The following CHST12 variants were observed in gnomAD, a reference collection of about 807,000 sequenced individuals.
CHST12 encodes carbohydrate (chondroitin 4) sulfotransferase 12.
In CHST12, 23 loss-of-function variants were observed where a neutral mutation model predicts 27.9. The ratio of observed to expected loss-of-function variants is 0.82; its 90% CI spans 0.59 to 1.17. The LOEUF (loss-of-function observed/expected upper bound fraction) is 1.17. Among genes scored for constraint, CHST12 ranks in the 50% most tolerant of loss-of-function variants. The probability of loss-of-function intolerance (pLI) is 0.00; values close to 1 mark genes in which losing one functional copy is unlikely to be tolerated. For missense variants in CHST12, 682 were observed against 603.0 expected (o/e 1.13, Z -1.37); for synonymous variants, 322 against 273.0 (o/e 1.18, Z -1.77).
At chr7:2,408,923 AGAT>A (rs1325313015) in intron 1 of CHST12, among the ~76,000 whole-genome samples, 1 of 152,218 alleles carries the variant, frequency 6.6e-6, no homozygotes, top group African/African-American at 2.4e-5. Flanking sequence ...CTTTGGGAGA[AGAT>A]GAAATTAGCA....
chr7:2,430,164 T>C (rs1419728741), intron 1 of CHST12, among the ~76,000 whole-genome samples: 1 of 152,204 alleles, frequency 6.6e-6, no homozygotes, highest in Non-Finnish European at 1.5e-5. Context: ...CTGTGTACTT[T>C]AACTTTTTCC....
intron 1 of CHST12, among the ~76,000 whole-genome samples, chr7:2,410,564 C>G (rs1012312210): frequency 6.6e-6 from 1 of 151,982 alleles, no homozygotes; most frequent in Non-Finnish European, 1.5e-5. Context: ...ATGAAGAAAA[C>G]CAGGGTATGG....
chr7:2,404,708 G>A (rs897071650), intron 1 of CHST12, among the ~76,000 whole-genome samples: 1 of 152,254 alleles, frequency 6.6e-6, no homozygotes, highest in Non-Finnish European at 1.5e-5. Flanking sequence ...GCTACACGAA[G>A]GTGCAACGCT....
At position 2,433,095 on chromosome 7, in the gene CHST12, G is replaced by T; in HGVS notation, c.456G>T (p.Ser152=). The T allele has an allele frequency of 6.2e-7, 1 of 1,612,496 alleles. No homozygotes were observed. The highest frequency in any genetic ancestry group is 8.5e-7 in the Non-Finnish European group (1 of 1,179,614). ...KERAFDDIPN[S]ELSHLIVDDR... is the part of the protein sequence containing the mutation. ...GCGCATTCGACGACATCCCCAACTCGGAGCTGAGCCACCTGATCGTGGACG... is the reference window on the plus strand; with the variant it reads ...GCGCATTCGACGACATCCCCAACTCTGAGCTGAGCCACCTGATCGTGGACG... Residue 152 remains serine (S), a synonymous_variant, in exon 2 of 2, where the codon TCG becomes TCT. Coordinates refer to ENST00000618655, the MANE Select transcript of CHST12 (RefSeq NM_018641.5). The surrounding 1 kb of genome is among the most constrained non-coding windows in gnomAD (Gnocchi z 6.1).
At chr7:2,405,345 T>G (rs1781495093) in intron 1 of CHST12, among the ~76,000 whole-genome samples, 1 of 152,006 alleles carries the variant, frequency 6.6e-6, no homozygotes, top group Non-Finnish European at 1.5e-5. Flanking sequence ...CTTAGGAGGA[T>G]GAGTCAAGAG....
intron 1 of CHST12, among the ~76,000 whole-genome samples, chr7:2,420,891 G>T (rs1313637780): frequency 6.6e-6 from 1 of 152,304 alleles, no homozygotes; most frequent in East Asian, 1.9e-4. Flanking sequence ...TTAAGACGGA[G>T]TCTCACTGTG....
chr7:2,421,438 C>CTTTT (rs566799688), intron 1 of CHST12, among the ~76,000 whole-genome samples: 1 of 127,210 alleles, frequency 7.9e-6, no homozygotes, highest in African/African-American at 2.9e-5. Flanking sequence ...TTTTTTTTTA[C>CTTTT]TTTTTTTTTT....
At chr7:2,420,998 G>A (rs1781958486) in intron 1 of CHST12, among the ~76,000 whole-genome samples, 1 of 151,978 alleles carries the variant, frequency 6.6e-6, no homozygotes, top group African/African-American at 2.4e-5. Context: ...GAGTAGCTGG[G>A]ATTACAGGCG....
chr7:2,423,488 G>A (rs902372515), intron 1 of CHST12, among the ~76,000 whole-genome samples: 2 of 152,100 alleles, frequency 1.3e-5, no homozygotes, highest in African/African-American at 4.8e-5. Context: ...TCACGTTTTC[G>A]TGATTTCTGT....
At position 2,440,841 on chromosome 7, in the gene CHST12, T is replaced by G. The variant is rs919013840; in HGVS notation, c.*6957T>G. The G allele has an allele frequency of 6.6e-6, 1 of 152,234 alleles. No homozygotes were observed. The highest frequency in any genetic ancestry group is 2.4e-5 in the African/African-American group (1 of 41,456). 9.4% of individuals were successfully genotyped at this position (152,234 alleles called of 1,614,324 possible). ...TGGGGTCGGGAGTCAACGATACTTC[T>G]TGTGCTGTCGTTTCTCCGGCCGTGT... On this transcript the variant is annotated 3_prime_UTR_variant, in exon 2 of 2. Transcript: ENST00000618655.
At chr7:2,410,934 G>A (rs1343575226) in intron 1 of CHST12, among the ~76,000 whole-genome samples, 1 of 152,140 alleles carries the variant, frequency 6.6e-6, no homozygotes, top group African/African-American at 2.4e-5. Context: ...GAGAGCAGAA[G>A]CAGGGAGACT....
At position 2,433,561 on chromosome 7, in the gene CHST12, C is replaced by T. The variant is rs1191530897; in HGVS notation, c.922C>T (p.Leu308=). The T allele has an allele frequency of 1.2e-6, 2 of 1,613,482 alleles. No individual in the cohort carries two copies. The highest frequency in any genetic ancestry group is 2.2e-5 in the South Asian group (2 of 91,084). Residue 308 remains leucine (L), a synonymous_variant, in exon 2 of 2, where the codon CTG becomes TTG. Coordinates refer to ENST00000618655, the MANE Select transcript of CHST12 (RefSeq NM_018641.5). The surrounding 1 kb of genome is among the most constrained non-coding windows in gnomAD (Gnocchi z 6.1). Reference sequence around the variant, plus strand: ...CTTCGCCAACTTCATCCAGTACCTGCTGGACCCGCACACGGAGAAGCTGGC... The same window carrying T: ...CTTCGCCAACTTCATCCAGTACCTGTTGGACCCGCACACGGAGAAGCTGGC... ...VSFANFIQYL[L]DPHTEKLAPF...
chr7:2,444,146 T>C lies in CHST12; in HGVS notation c.*10262T>C, dbSNP rs1782687473. ...AAAAATACAAAAAATTAGCCGGGCG[T>C]AGTGGCGGGCGCCTGTAGTCCCAGC... On this transcript the variant is annotated 3_prime_UTR_variant, in exon 2 of 2. Coordinates refer to ENST00000618655, the MANE Select transcript of CHST12 (RefSeq NM_018641.5). 6.7e-6 allele frequency: 1 copy of C among 149,250 alleles called. No individual in the cohort carries two copies. The highest frequency in any genetic ancestry group is 6.7e-5 in the Admixed American group (1 of 15,036). 9.2% of individuals were successfully genotyped at this position (149,250 alleles called of 1,614,324 possible). A position where few individuals can be genotyped will look rare whatever the true frequency, so the allele number is the denominator to read the frequency against.
At position 2,433,952 on chromosome 7, in the gene CHST12, C is replaced by A. The variant is rs1782392372; in HGVS notation, c.*68C>A. On this transcript the variant is annotated 3_prime_UTR_variant, in exon 2 of 2. Coordinates refer to ENST00000618655, the MANE Select transcript of CHST12 (RefSeq NM_018641.5). The surrounding 1 kb of genome is among the most constrained non-coding windows in gnomAD (Gnocchi z 6.1). ...CACGCGCACTCCAGTTTTTTTATGA[C>A]CTACGATTTTGCAATCTGGGCTTCT... is the stretch of plus-strand genomic sequence containing the variant. The A allele has an allele frequency of 7.1e-7, 1 of 1,410,864 alleles. No individual in the cohort carries two copies. The highest frequency in any genetic ancestry group is 9.6e-7 in the Non-Finnish European group (1 of 1,038,818). The allele number at this position is 1,410,864 out of a possible 1,614,324, so 87.4% of individuals were successfully genotyped here.
Position 2,433,631 on chromosome 7 carries a change from C to T in CHST12, c.992C>T (p.Pro331Leu). The part of the protein sequence containing the change: ...HWRQVYRLCH[P>L]CQIDYDFVGK... ...CGGCAGGTGTACCGCCTCTGCCACCCGTGCCAGATCGACTACGACTTCGTG... is the reference window on the plus strand; with the variant it reads ...CGGCAGGTGTACCGCCTCTGCCACCTGTGCCAGATCGACTACGACTTCGTG... Residue 331 changes from proline to leucine, a missense_variant, in exon 2 of 2, where the codon CCG becomes CTG. Transcript: ENST00000618655. This position sits in a 1 kb window ranked among gnomAD's most constrained non-coding sequence, Gnocchi z 6.1. 8.1e-6 allele frequency: 13 copies of T among 1,613,760 alleles called. No homozygotes were observed. Among genetic ancestry groups the T allele is most frequent in the Admixed American group, 1.7e-5 (1 of 60,030 alleles).
intron 1 of CHST12, among the ~76,000 whole-genome samples, chr7:2,426,512 G>T (rs1782122913): frequency 6.6e-6 from 1 of 152,088 alleles, no homozygotes; most frequent in African/African-American, 2.4e-5. Context: ...GCTGAGCTGG[G>T]GATGAGTAGG....
At chr7:2,420,752 C>A (rs1356943413) in intron 1 of CHST12, among the ~76,000 whole-genome samples, 2 of 152,094 alleles carry the variant, frequency 1.3e-5, no homozygotes, top group Non-Finnish European at 2.9e-5. Context: ...ACCACTGCAC[C>A]CCAGCCTGGA....
Sources: gnomAD v4.1 joint callset for allele counts (sites outside exome capture counted in the v4.1 genomes callset) on GRCh38, gnomAD v4.1.1 for gene constraint, Gnocchi (gnomAD v3.1) non-coding constraint, MANE v1.5 for transcripts, NCBI Gene and HGNC (gene_info 2026-07-23, HGNC 2026-07-21) for gene names.